Variants in TRANK1 observed in about 807,000 individuals in gnomAD.
TRANK1 encodes the protein TPR and ankyrin repeat-containing protein 1.
TRANK1 carries 198 observed loss-of-function variants against 266.0 expected under a neutral mutation model. The observed-to-expected ratio is 0.74, with a 90% confidence interval of 0.66 to 0.84. TRANK1 has a LOEUF of 0.84. Ranked by LOEUF, TRANK1 falls within the 40% of genes least tolerant of loss-of-function variation. The pLI is 0.00. For missense variants in TRANK1, 3,326 were observed against 3,634.6 expected (o/e 0.92, Z 2.18); for synonymous variants, 1,396 against 1,384.1 (o/e 1.01, Z -0.19).
Position 36,847,281 on chromosome 3 carries a change from G to C in TRANK1, c.4953C>G (p.Asn1651Lys). ...CCAGGGGTACTTCAACCAATGGCCG[G>C]TTTTCCTCTCTGGAGTCAGTTGAGG... is the stretch of plus-strand genomic sequence containing the variant. The part of the protein sequence containing the change: ...TPTSTDSREE[N>K]RPLVEVPLDK... The change falls in exon 16 of 24, where the codon AAC (asparagine) becomes AAG (lysine). Residue 1651 changes from asparagine to lysine, a missense_variant. By Grantham distance (94) the Asn-to-Lys change is moderately conservative. Coordinates refer to ENST00000645898, the MANE Select transcript of TRANK1 (RefSeq NM_001329998.2). 6.2e-7 allele frequency: 1 copy of C among 1,613,644 alleles called. No individual in the cohort carries two copies. Among genetic ancestry groups the C allele is most frequent in the Non-Finnish European group, 8.5e-7 (1 of 1,179,770 alleles).
chr3:36,909,494 C>T (rs2080021806), intron 1 of TRANK1, among the ~76,000 whole-genome samples: 2 of 152,136 alleles, frequency 1.3e-5, no homozygotes, highest in African/African-American at 4.8e-5. Flanking sequence ...GTATTGCTTC[C>T]TCTCAAGATG....
At chr3:36,892,440 A>ACCACAGCTAATCCAAG in intron 6 of TRANK1, 100 bp from the exon 7 acceptor site, 1 of 1,405,696 alleles carries the variant, frequency 7.1e-7, no homozygotes, top group Non-Finnish European at 9.5e-7. Flanking sequence ...TAAAACTTGG[A>ACCACAGCTAATCCAAG]TTAGCTGTGG....
At chr3:36,876,112 T>G (rs1031331947) in intron 8 of TRANK1, among the ~76,000 whole-genome samples, 2 of 152,252 alleles carry the variant, frequency 1.3e-5, no homozygotes, top group African/African-American at 4.8e-5. Context: ...CTTATTTTTT[T>G]GTCTGGTCAG....
chr3:36,911,445 T>G (rs149565773), intron 1 of TRANK1, among the ~76,000 whole-genome samples: 1 of 152,290 alleles, frequency 6.6e-6, no homozygotes, highest in Admixed American at 6.5e-5. Flanking sequence ...ACAAGGTATT[T>G]CCATTGTATT....
chr3:36,943,824 T>G (rs35143437), intron 1 of TRANK1, among the ~76,000 whole-genome samples: 14,959 of 152,044 alleles, frequency 0.098, 826 homozygotes, highest in Middle Eastern at 0.29. Flanking sequence ...AGCAACTGGG[T>G]TGGAGCAGAT....
chr3:36,847,171 A>C (rs563487504), intron 16 of TRANK1, 29 bp downstream of exon 16: 2 of 1,604,994 alleles, frequency 1.2e-6, no homozygotes, highest in Non-Finnish European at 1.7e-6. Context: ...CATGTCAAGT[A>C]CATGTGTTGA....
chr3:36,883,986 T>C (rs1306644262), intron 8 of TRANK1, among the ~76,000 whole-genome samples: 1 of 152,162 alleles, frequency 6.6e-6, no homozygotes, highest in African/African-American at 2.4e-5. Flanking sequence ...GAACATAAAG[T>C]GAATATAAAT....
At chr3:36,840,553 A>G (rs1201732455) in intron 18 of TRANK1, among the ~76,000 whole-genome samples, 2 of 152,298 alleles carry the variant, frequency 1.3e-5, no homozygotes, top group Middle Eastern at 3.4e-3. Flanking sequence ...CGTCCAATCT[A>G]GGCTGAGACT....
chr3:36,892,852 CATAT>C (rs60833390), intron 6 of TRANK1, 45 bp downstream of exon 6: 1,597 of 578,216 alleles, frequency 2.8e-3, no homozygotes, highest in East Asian at 9.1e-3. Flanking sequence ...CAAAACAAAA[CATAT>C]ATATATATAT....
At chr3:36,860,738 C>A (rs1295463809) in intron 11 of TRANK1, among the ~76,000 whole-genome samples, 168 bp downstream of exon 11, 1 of 152,248 alleles carries the variant, frequency 6.6e-6, no homozygotes, top group African/African-American at 2.4e-5. Context: ...AACTCACTCA[C>A]AGGGCAGTAA....
At chr3:36,921,094 C>CCCGGT (rs2080206940) in intron 1 of TRANK1, among the ~76,000 whole-genome samples, 1 of 152,168 alleles carries the variant, frequency 6.6e-6, no homozygotes, top group African/African-American at 2.4e-5. Flanking sequence ...CTGAGTCACC[C>CCCGGT]CCGGTCCCCT....
chr3:36,894,031 T>C (rs1329193298), intron 5 of TRANK1, among the ~76,000 whole-genome samples: 1 of 152,162 alleles, frequency 6.6e-6, no homozygotes, highest in Non-Finnish European at 1.5e-5. Flanking sequence ...CAACCCCACA[T>C]GATAAGTTCA....
At chr3:36,843,410 A>T (rs1347263202) in intron 17 of TRANK1, among the ~76,000 whole-genome samples, 4 of 152,202 alleles carry the variant, frequency 2.6e-5, no homozygotes, top group Non-Finnish European at 5.9e-5. Flanking sequence ...CAGCAAGAAA[A>T]AAAAGGTGAC....
chr3:36,847,389 T>C lies in TRANK1; in HGVS notation c.4888-43A>G, dbSNP rs11917505. 8,301 of 1,605,978 alleles carry C rather than the reference T, an allele frequency of 5.2e-3. 45 individuals are homozygous for C. Among genetic ancestry groups the C allele is most frequent in the Non-Finnish European group, 5.6e-3 (6,608 of 1,175,032 alleles). On this transcript the variant is annotated intron_variant, in intron 15 of 23. Coordinates refer to ENST00000645898, the MANE Select transcript of TRANK1 (RefSeq NM_001329998.2). ...AGTGAAGACCAACAGAATATGCTTTTGAACTACGCATACAGCCTCCCTGAG... is the reference window on the plus strand; with the variant it reads ...AGTGAAGACCAACAGAATATGCTTTCGAACTACGCATACAGCCTCCCTGAG...
intron 1 of TRANK1, among the ~76,000 whole-genome samples, chr3:36,922,896 T>A (rs1468139533): frequency 6.6e-6 from 1 of 152,140 alleles, no homozygotes; most frequent in Admixed American, 6.5e-5. Flanking sequence ...GAGTCCTAAT[T>A]AGGAACAGGA....
rs2078796797 is a variant in TRANK1, at chr3:36,838,299, G to A, written c.5517+73C>T. The A allele has an allele frequency of 5.1e-6, 8 of 1,579,420 alleles. No homozygotes were observed. The South Asian group carries it at 8.2e-5, about 16-fold the overall frequency. On this transcript the variant is annotated intron_variant, in intron 20 of 23. Coordinates refer to ENST00000645898, the MANE Select transcript of TRANK1 (RefSeq NM_001329998.2). ...CAGCCTCTTCCTGCTATGAGTAGAG[G>A]TCGAGCCTACCCCTCAATCTGCTCA...
chr3:36,874,338 C>G (rs1389429074), intron 8 of TRANK1, 42 bp from the exon 9 acceptor site: 2 of 1,525,954 alleles, frequency 1.3e-6, no homozygotes, highest in East Asian at 4.9e-5. Context: ...GTCATGGTTC[C>G]TTCCATAAGA....
At chr3:36,871,704 C>T (rs2079312610) in intron 9 of TRANK1, among the ~76,000 whole-genome samples, 1 of 152,170 alleles carries the variant, frequency 6.6e-6, no homozygotes, top group Non-Finnish European at 1.5e-5. Flanking sequence ...GAGGGCTCTA[C>T]CCCTCTCTCC....
In TRANK1 at chr3:36,852,300, T is replaced by C; in HGVS notation, c.4595A>G (p.Tyr1532Cys). The C allele has an allele frequency of 1.2e-6, 2 of 1,608,430 alleles. No homozygotes were observed. Among genetic ancestry groups the C allele is most frequent in the African/African-American group, 2.7e-5 (2 of 74,766 alleles). The part of the protein sequence containing the change: ...ASGVVDLLQF[Y>C]FPESFDRLPR... ...AAGGCGATCAAAAGATTCTGGGAAATAGAACTGAAGTAAATCCACCACTCC... is the reference window on the plus strand; with the variant it reads ...AAGGCGATCAAAAGATTCTGGGAAACAGAACTGAAGTAAATCCACCACTCC... The change falls in exon 14 of 24, where the codon TAT becomes TGT. Residue 1532 changes from tyrosine (Y) to cysteine (C), a missense_variant. By Grantham distance (194) the Tyr-to-Cys change is radical (BLOSUM62 -2). Coordinates refer to ENST00000645898, the MANE Select transcript of TRANK1 (RefSeq NM_001329998.2).
Sources: gnomAD v4.1 joint callset for allele counts (sites outside exome capture counted in the v4.1 genomes callset) on GRCh38, gnomAD v4.1.1 for gene constraint, MANE v1.5 for transcripts, NCBI Gene and HGNC (gene_info 2026-07-23, HGNC 2026-07-21) for gene names.